HTR7: variants seen among roughly 807,000 people sequenced by gnomAD.
HTR7 encodes the protein 5-HT-7.
HTR7 carries 16 observed loss-of-function variants against 34.0 expected under a neutral mutation model. That is an observed-to-expected ratio of 0.47 (90% confidence interval 0.32 to 0.71). The LOEUF is 0.71. HTR7 is among the 30% of genes least tolerant of loss of function. The probability of loss-of-function intolerance (pLI) is 0.04; values close to 1 mark genes in which losing one functional copy is unlikely to be tolerated. For synonymous variants in HTR7, 265 were observed against 260.2 expected (o/e 1.02, Z -0.18); for missense variants, 504 against 625.5 (o/e 0.81, Z 2.07).
intron 1 of HTR7, among the ~76,000 whole-genome samples, chr10:90,800,194 T>C: frequency 7.2e-6 from 1 of 138,668 alleles, no homozygotes; most frequent in South Asian, 2.3e-4. Context: ...GGAATTCCCA[T>C]ACATTGATTT....
At chr10:90,765,657 G>A (rs1467119712) in intron 1 of HTR7, among the ~76,000 whole-genome samples, 3 of 151,834 alleles carry the variant, frequency 2.0e-5, no homozygotes, top group East Asian at 1.9e-4. Flanking sequence ...ACATGTAGGT[G>A]TTTATTCCTA....
intron 1 of HTR7, among the ~76,000 whole-genome samples, chr10:90,822,473 T>C (rs1023191430): frequency 4.6e-5 from 7 of 152,254 alleles, no homozygotes; most frequent in Non-Finnish European, 8.8e-5. Context: ...TCTAACAGCA[T>C]ATGCTTGTAT....
intron 1 of HTR7, among the ~76,000 whole-genome samples, chr10:90,849,863 G>T (rs1846471617): frequency 6.6e-6 from 1 of 152,186 alleles, no homozygotes; most frequent in Non-Finnish European, 1.5e-5. Context: ...ATGCCCGAAA[G>T]CATCAAGCAG....
chr10:90,797,591 G>A (rs1443484715), intron 1 of HTR7, among the ~76,000 whole-genome samples: 1 of 152,158 alleles, frequency 6.6e-6, no homozygotes, highest in Admixed American at 6.5e-5. Flanking sequence ...AATACTAAAG[G>A]TTTCCAGGAC....
chr10:90,823,176 C>T (rs1190675222), intron 1 of HTR7, among the ~76,000 whole-genome samples: 1 of 152,202 alleles, frequency 6.6e-6, no homozygotes, highest in Non-Finnish European at 1.5e-5. Flanking sequence ...ACCCCAGAAT[C>T]TACCAACAGC....
chr10:90,743,995 A>G, intron 2 of HTR7: 1 of 534,636 alleles, frequency 1.9e-6, no homozygotes, highest in South Asian at 1.6e-5. Context: ...GGGAGTAGGA[A>G]CAGTCTTACA....
chr10:90,819,627 A>C (rs981432061), intron 1 of HTR7, among the ~76,000 whole-genome samples: 2 of 152,162 alleles, frequency 1.3e-5, no homozygotes, highest in Non-Finnish European at 2.9e-5. Context: ...CTCACTTCTA[A>C]TTGTCCTCTT....
intron 1 of HTR7, among the ~76,000 whole-genome samples, chr10:90,842,049 T>C (rs1388513353): frequency 6.6e-6 from 1 of 152,018 alleles, no homozygotes; most frequent in African/African-American, 2.4e-5. Flanking sequence ...AAAGATCCTG[T>C]TATGGTTTGA....
rs572491478 is a variant in HTR7, at chr10:90,787,884, G to A, written c.540-38290C>T. On this transcript the variant is annotated intron_variant, in intron 1 of 3. Coordinates refer to ENST00000336152, the MANE Select transcript of HTR7 (RefSeq NM_019859.4). ...GACTGCCTCTCTTATGACCTCTTCCGCTTGCTCCCTTGCTATTTCTGTATA... is the reference window on the plus strand; with the variant it reads ...GACTGCCTCTCTTATGACCTCTTCCACTTGCTCCCTTGCTATTTCTGTATA... Among the ~76,000 whole-genome samples the A allele has an allele frequency of 9.9e-4, 151 of 151,832 alleles. 1 individual carries two copies. Among genetic ancestry groups the A allele is most frequent in the African/African-American group, 3.4e-3 (141 of 41,402 alleles).
At chr10:90,833,159 AT>A (rs2120061071) in intron 1 of HTR7, among the ~76,000 whole-genome samples, 1 of 152,344 alleles carries the variant, frequency 6.6e-6, no homozygotes, top group South Asian at 2.1e-4. Context: ...CTCCTAGGCC[AT>A]TAGAAATGGA....
At chr10:90,795,911 G>GATA (rs1845531806) in intron 1 of HTR7, among the ~76,000 whole-genome samples, 1 of 152,130 alleles carries the variant, frequency 6.6e-6, no homozygotes, top group African/African-American at 2.4e-5. Flanking sequence ...GGTTGAAAGG[G>GATA]TTATTATCAA....
intron 1 of HTR7, among the ~76,000 whole-genome samples, chr10:90,852,209 A>C (rs1846511767): frequency 6.6e-6 from 1 of 152,068 alleles, no homozygotes; most frequent in Non-Finnish European, 1.5e-5. Context: ...AAGTAAAAAA[A>C]AAAAAGTTTT....
At chr10:90,797,820 A>G (rs1845564227) in intron 1 of HTR7, among the ~76,000 whole-genome samples, 1 of 152,248 alleles carries the variant, frequency 6.6e-6, no homozygotes, top group Non-Finnish European at 1.5e-5. Flanking sequence ...GATCATTTAT[A>G]AAGAAAATAC....
chr10:90,838,785 T>C (rs1397410869), intron 1 of HTR7, among the ~76,000 whole-genome samples: 3 of 152,200 alleles, frequency 2.0e-5, no homozygotes, highest in Admixed American at 6.5e-5. Context: ...GGCTCCTTCA[T>C]GTCATTTACA....
chr10:90,802,920 A>G (rs1163041660), intron 1 of HTR7, among the ~76,000 whole-genome samples: 1 of 150,432 alleles, frequency 6.6e-6, no homozygotes, highest in Non-Finnish European at 1.5e-5. Context: ...CTTTGTGTGT[A>G]GATGACCAGC....
At chr10:90,844,846 C>T (rs977350724) in intron 1 of HTR7, among the ~76,000 whole-genome samples, 4 of 150,848 alleles carry the variant, frequency 2.7e-5, no homozygotes, top group African/African-American at 9.8e-5. Context: ...TGATGTGACG[C>T]CCAGGCCCAT....
chr10:90,812,473 G>T (rs1312879305), intron 1 of HTR7, among the ~76,000 whole-genome samples: 1 of 152,170 alleles, frequency 6.6e-6, no homozygotes, highest in Non-Finnish European at 1.5e-5. Flanking sequence ...GATGTCCTGG[G>T]TCCTCCCAAT....
intron 1 of HTR7, among the ~76,000 whole-genome samples, chr10:90,796,911 C>T (rs1845548226): frequency 1.3e-5 from 2 of 151,590 alleles, no homozygotes. Flanking sequence ...ACTCGGGAGG[C>T]TGAGGCAGGA....
intron 2 of HTR7, chr10:90,743,966 G>A (rs1344487749): frequency 1.7e-6 from 1 of 596,384 alleles, no homozygotes; most frequent in Non-Finnish European, 3.2e-6. Context: ...AGAAAATGGG[G>A]AGAAATGGGT....
Sources: gnomAD v4.1 joint callset for allele counts (sites outside exome capture counted in the v4.1 genomes callset) on GRCh38, gnomAD v4.1.1 for gene constraint, MANE v1.5 for transcripts, NCBI Gene and HGNC (gene_info 2026-07-23, HGNC 2026-07-21) for gene names.